Variants in GABRG3 observed in about 807,000 individuals in gnomAD.
GABRG3 encodes gamma-aminobutyric acid type A receptor subunit gamma3.
In GABRG3, 25 loss-of-function variants were observed where a neutral mutation model predicts 48.8. The ratio of observed to expected loss-of-function variants is 0.51; its 90% CI spans 0.37 to 0.72. GABRG3 has a LOEUF of 0.72. GABRG3 is among the 30% of genes least tolerant of loss of function. The pLI, the probability that GABRG3 is intolerant of heterozygous loss-of-function variation, is 0.00. For synonymous variants in GABRG3, 227 were observed against 217.6 expected, an observed-to-expected ratio of 1.04 and a Z score of -0.38; for missense variants, 394 against 577.9, an observed-to-expected ratio of 0.68 and a Z score of 3.26.
At chr15:27,532,515 G>T in intron 9 of GABRG3, 85 bp from the exon 10 acceptor site, 1 of 1,298,172 alleles carries the variant, frequency 7.7e-7, no homozygotes, top group South Asian at 1.4e-5. Context: ...GGAGACAGAT[G>T]TAATATGGAC....
intron 3 of GABRG3, among the ~76,000 whole-genome samples, chr15:27,268,290 T>C (rs748481998): frequency 6.6e-6 from 1 of 152,190 alleles, no homozygotes; most frequent in Non-Finnish European, 1.5e-5. Context: ...AATATGTCCA[T>C]GTCACTTCAG....
At chr15:27,157,517 A>G (rs1329614821) in intron 3 of GABRG3, 2 of 152,086 alleles carry the variant, frequency 1.3e-5, no homozygotes, top group Admixed American at 6.6e-5. Flanking sequence ...TTTGTTATCA[A>G]CCTGAACTTT....
At chr15:27,461,802 A>G (rs556951408) in intron 5 of GABRG3, among the ~76,000 whole-genome samples, 2 of 152,300 alleles carry the variant, frequency 1.3e-5, no homozygotes, top group African/African-American at 4.8e-5. Context: ...GCGGGCTTCA[A>G]TTCTCACCAT....
intron 2 of GABRG3, among the ~76,000 whole-genome samples, chr15:27,024,132 G>A (rs900885727): frequency 4.6e-5 from 7 of 151,928 alleles, no homozygotes; most frequent in Non-Finnish European, 1.0e-4. Context: ...GTCTATTTAC[G>A]TTTTTTTGCC....
At chr15:27,413,849 C>T (rs1887868483) in intron 5 of GABRG3, among the ~76,000 whole-genome samples, 1 of 152,182 alleles carries the variant, frequency 6.6e-6, no homozygotes, top group Non-Finnish European at 1.5e-5. Context: ...AATTTTTCTA[C>T]ATTCCTATTT....
chr15:27,147,993 G>A (rs1265284141), intron 3 of GABRG3, among the ~76,000 whole-genome samples: 2 of 151,650 alleles, frequency 1.3e-5, no homozygotes, highest in Admixed American at 6.6e-5. Flanking sequence ...AAAAAGAATA[G>A]AAAGCAATAA....
chr15:27,230,437 A>G (rs891495674), intron 3 of GABRG3, among the ~76,000 whole-genome samples: 51 of 152,230 alleles, frequency 3.4e-4, no homozygotes, highest in Admixed American at 1.3e-3. Context: ...CTCAGACCTC[A>G]GAGGGCACAA....
chr15:27,526,806 C>T (rs1234491672), intron 7 of GABRG3, among the ~76,000 whole-genome samples: 1 of 152,154 alleles, frequency 6.6e-6, no homozygotes, highest in Non-Finnish European at 1.5e-5. Context: ...AATGTGCTAG[C>T]GTCTGTGCTG....
chr15:27,390,575 C>T (rs1566819833), intron 5 of GABRG3, among the ~76,000 whole-genome samples: 1 of 152,204 alleles, frequency 6.6e-6, no homozygotes, highest in East Asian at 1.9e-4. Flanking sequence ...GCCCAGGGAG[C>T]ACTGGGGTGC....
At chr15:27,238,398 G>A (rs765271499) in intron 3 of GABRG3, among the ~76,000 whole-genome samples, 7 of 152,244 alleles carry the variant, frequency 4.6e-5, no homozygotes, top group East Asian at 1.9e-4. Flanking sequence ...AGGGAGCCGC[G>A]CGGGGGCGCA....
chr15:27,047,511 T>C (rs60576117), intron 3 of GABRG3, among the ~76,000 whole-genome samples: 1,842 of 152,340 alleles, frequency 0.012, 36 homozygotes, highest in African/African-American at 0.042. Flanking sequence ...ATCTGTTGCA[T>C]GTGAAAAACT....
At chr15:27,456,374 C>A (rs977098548) in intron 5 of GABRG3, among the ~76,000 whole-genome samples, 11 of 152,182 alleles carry the variant, frequency 7.2e-5, no homozygotes, top group Admixed American at 2.0e-4. Flanking sequence ...TCCCAAGAGT[C>A]GCTGAGTGAC....
chr15:27,457,042 G>T lies in GABRG3; in HGVS notation c.575-23608G>T, dbSNP rs1889305035. 6.6e-6 allele frequency among the ~76,000 whole-genome samples: 1 copy of T among 152,182 alleles called. No individual in the cohort carries two copies. On this transcript the variant is annotated intron_variant, in intron 5 of 9. Transcript: ENST00000615808. This position sits in a 1 kb window ranked among gnomAD's most constrained non-coding sequence, Gnocchi z 4.4. ...CCTCAGAAGGACCTGTGACAGCAGG[G>T]GTGTGGAAGTAGAAGGAGCTGGAGG...
At chr15:27,003,904 C>T in intron 2 of GABRG3, among the ~76,000 whole-genome samples, 1 of 146,524 alleles carries the variant, frequency 6.8e-6, no homozygotes, top group African/African-American at 2.5e-5. Context: ...GGCAGAGGGG[C>T]TCCTCACTTC....
chr15:27,441,824 TG>T (rs1351359701), intron 5 of GABRG3, among the ~76,000 whole-genome samples: 3 of 152,188 alleles, frequency 2.0e-5, no homozygotes, highest in African/African-American at 7.2e-5. Context: ...TTTAATGTTA[TG>T]TTTTTTTTAA....
chr15:26,972,691 C>T (rs1327440757), intron 1 of GABRG3, among the ~76,000 whole-genome samples: 1 of 152,148 alleles, frequency 6.6e-6, no homozygotes, highest in Non-Finnish European at 1.5e-5. Flanking sequence ...CCTTTTCATT[C>T]CTATTTGTGA....
chr15:27,537,604 T>G lies in GABRG3; in HGVS notation c.*4723T>G, dbSNP rs557189872. 5 of 152,086 alleles carry G rather than the reference T, an allele frequency of 3.3e-5. No homozygotes were observed. The South Asian group carries it at 6.2e-4, about 19-fold the overall frequency. The allele number at this position is 152,086 out of a possible 1,614,324, so 9.4% of individuals were successfully genotyped here. A position where few individuals can be genotyped will look rare whatever the true frequency, so the allele number is the denominator to read the frequency against. On this transcript the variant is annotated 3_prime_UTR_variant, in exon 10 of 10. Transcript: ENST00000615808. ...AAAACGTGTATGTTTTGAGATGATT[T>G]GGTAAGAACTCAGCCATTCAGTATT...
intron 3 of GABRG3, among the ~76,000 whole-genome samples, chr15:27,200,998 C>A (rs1482820899): frequency 6.6e-6 from 1 of 152,116 alleles, no homozygotes; most frequent in African/African-American, 2.4e-5. Flanking sequence ...GATACTCAGC[C>A]TTCTCCATGC....
chr15:27,173,074 C>T (rs1595566018), intron 3 of GABRG3, among the ~76,000 whole-genome samples: 1 of 152,274 alleles, frequency 6.6e-6, no homozygotes, highest in East Asian at 1.9e-4. Flanking sequence ...TTCCTGCAAA[C>T]TTCACTCTGG....
Sources: allele counts gnomAD v4.1 joint callset (sites outside exome capture counted in the v4.1 genomes callset), GRCh38; gene constraint gnomAD v4.1.1; non-coding constraint Gnocchi (gnomAD v3.1); transcripts MANE v1.5; gene names NCBI Gene and HGNC (gene_info 2026-07-23, HGNC 2026-07-21).